Variants in SGMS1 observed in about 807,000 individuals in gnomAD.
SGMS1 encodes the protein sphingomyelin synthase 1, also known as phosphatidylcholine:ceramide cholinephosphotransferase 1.
In SGMS1, 13 loss-of-function variants were observed where a neutral mutation model predicts 46.2. The ratio of observed to expected loss-of-function variants is 0.28; its 90% CI spans 0.18 to 0.45. The LOEUF (loss-of-function observed/expected upper bound fraction) is 0.45. Ranked by LOEUF, SGMS1 falls within the 20% of genes least tolerant of loss-of-function variation. The pLI, the probability that SGMS1 is intolerant of heterozygous loss-of-function variation, is 1.00. For synonymous variants in SGMS1, 203 were observed against 187.8 expected (o/e 1.08, Z -0.66); for missense variants, 324 against 519.9 (o/e 0.62, Z 3.66).
intron 5 of SGMS1, among the ~76,000 whole-genome samples, chr10:50,455,627 T>C (rs1168566402): frequency 6.6e-6 from 1 of 152,204 alleles, no homozygotes; most frequent in Non-Finnish European, 1.5e-5. Flanking sequence ...TAAAATCTTT[T>C]ATTCGGAGTA....
At chr10:50,540,191 G>A (rs957020531) in intron 2 of SGMS1, among the ~76,000 whole-genome samples, 1 of 152,198 alleles carries the variant, frequency 6.6e-6, no homozygotes, top group Non-Finnish European at 1.5e-5. Context: ...AGAAGGTGAT[G>A]ACATTTTCTG....
chr10:50,611,713 C>T (rs1431091401), intron 1 of SGMS1, among the ~76,000 whole-genome samples: 1 of 152,166 alleles, frequency 6.6e-6, no homozygotes, highest in Non-Finnish European at 1.5e-5. Context: ...GCCTTTTCTC[C>T]AGCATCCCAA....
intron 6 of SGMS1, among the ~76,000 whole-genome samples, chr10:50,386,309 C>T (rs1380861884): frequency 1.3e-5 from 2 of 152,172 alleles, no homozygotes; most frequent in African/African-American, 2.4e-5. Context: ...AGTATAGTAA[C>T]ATTTACTGCA....
chr10:50,604,797 C>T (rs1232840660), intron 1 of SGMS1, among the ~76,000 whole-genome samples: 1 of 152,114 alleles, frequency 6.6e-6, no homozygotes, highest in Non-Finnish European at 1.5e-5. Flanking sequence ...TACACATACA[C>T]CCATCAGTAA....
At chr10:50,583,151 G>A (rs1381148345) in intron 2 of SGMS1, among the ~76,000 whole-genome samples, 1 of 152,180 alleles carries the variant, frequency 6.6e-6, no homozygotes, top group African/African-American at 2.4e-5. Flanking sequence ...AAGAGGTTAA[G>A]TAATTGGTCA....
intron 1 of SGMS1, among the ~76,000 whole-genome samples, chr10:50,595,738 C>T (rs1838585499): frequency 6.6e-6 from 1 of 152,174 alleles, no homozygotes; most frequent in Non-Finnish European, 1.5e-5. Context: ...GTCCTGGAAA[C>T]AGTCCCCATG....
Position 50,451,824 on chromosome 10 carries a change from GCA to G in SGMS1, c.-313+8847_-313+8848del, listed in dbSNP as rs778568674. Among the ~76,000 whole-genome samples the G allele has an allele frequency of 1.4e-4, 21 of 152,262 alleles. No individual in the cohort carries two copies. The East Asian group carries it at 3.1e-3, about 22-fold the overall frequency. The stretch of plus-strand genomic sequence containing the variant: ...CAGCTGAACTGCAGATCTGCACACT[GCA>G]CATTTAAGCCATAACATTAAAAATA... On this transcript the variant is annotated intron_variant, in intron 5 of 10. Transcript: ENST00000361781.
At position 50,388,210 on chromosome 10, in the gene SGMS1, A is replaced by T. The variant is rs191017617; in HGVS notation, c.-231-43865T>A. Among the ~76,000 whole-genome samples the T allele has an allele frequency of 3.6e-3, 554 of 152,286 alleles. 3 individuals are homozygous for T. Among genetic ancestry groups the T allele is most frequent in the Middle Eastern group, 6.8e-3 (2 of 294 alleles). On this transcript the variant is annotated intron_variant, in intron 6 of 10. Transcript: ENST00000361781. ...CTCCAGGAAGTAGACCTGGATGGCA[A>T]GGGTGGGAGGTACACTTGACATTAT... is the stretch of plus-strand genomic sequence containing the variant.
intron 2 of SGMS1, among the ~76,000 whole-genome samples, chr10:50,564,661 C>T (rs1213301898): frequency 2.6e-5 from 4 of 152,058 alleles, no homozygotes; most frequent in Non-Finnish European, 5.9e-5. Context: ...TGAGAATTAC[C>T]CACAGTTAAT....
intron 6 of SGMS1, among the ~76,000 whole-genome samples, chr10:50,399,192 T>C (rs982466101): frequency 5.3e-5 from 8 of 152,300 alleles, no homozygotes; most frequent in African/African-American, 1.7e-4. Flanking sequence ...AAGGTGATCA[T>C]TTGGACTTAG....
At chr10:50,614,565 G>A (rs1321374822) in intron 1 of SGMS1, among the ~76,000 whole-genome samples, 1 of 152,210 alleles carries the variant, frequency 6.6e-6, no homozygotes, top group Non-Finnish European at 1.5e-5. Flanking sequence ...ACTGCCCACT[G>A]CCACCTGCCC....
chr10:50,414,793 G>T (rs534946197), intron 6 of SGMS1, among the ~76,000 whole-genome samples: 4 of 152,250 alleles, frequency 2.6e-5, no homozygotes, highest in Non-Finnish European at 5.9e-5. Context: ...TGTACTGTGT[G>T]AAGTTTTTCC....
chr10:50,501,675 C>G (rs994825718), intron 3 of SGMS1, among the ~76,000 whole-genome samples: 2 of 152,106 alleles, frequency 1.3e-5, no homozygotes, highest in Non-Finnish European at 2.9e-5. Flanking sequence ...GTGAGTCATA[C>G]TTTAATTCAA....
At chr10:50,574,434 A>T (rs1838362232) in intron 2 of SGMS1, among the ~76,000 whole-genome samples, 1 of 152,234 alleles carries the variant, frequency 6.6e-6, no homozygotes, top group Non-Finnish European at 1.5e-5. Flanking sequence ...AATCAAAACC[A>T]CAATGAGATA....
chr10:50,607,956 A>T (rs1838712590), intron 1 of SGMS1, among the ~76,000 whole-genome samples: 2 of 152,216 alleles, frequency 1.3e-5, no homozygotes, highest in South Asian at 4.1e-4. Context: ...TCCCTCCTCC[A>T]ACTCAGATCA....
intron 6 of SGMS1, among the ~76,000 whole-genome samples, chr10:50,403,197 A>T (rs1848965118): frequency 6.6e-6 from 1 of 152,220 alleles, no homozygotes; most frequent in Non-Finnish European, 1.5e-5. Flanking sequence ...AGACATGATT[A>T]TTACTCACTG....
At chr10:50,433,871 T>C (rs2133620193) in intron 5 of SGMS1, among the ~76,000 whole-genome samples, 1 of 152,274 alleles carries the variant, frequency 6.6e-6, no homozygotes, top group African/African-American at 2.4e-5. Context: ...GTAACCCACC[T>C]TCTCTCTCCA....
chr10:50,490,288 T>G (rs991640189), intron 3 of SGMS1, among the ~76,000 whole-genome samples: 1 of 152,226 alleles, frequency 6.6e-6, no homozygotes, highest in African/African-American at 2.4e-5. Context: ...TTGATTAGTG[T>G]TGATTAAAAA....
intron 4 of SGMS1, among the ~76,000 whole-genome samples, chr10:50,461,040 A>G (rs1357261316): frequency 6.6e-6 from 1 of 152,134 alleles, no homozygotes; most frequent in Admixed American, 6.5e-5. Context: ...AGTATAATAT[A>G]TACATATAAT....
Sources: gnomAD v4.1 joint callset for allele counts (sites outside exome capture counted in the v4.1 genomes callset) on GRCh38, gnomAD v4.1.1 for gene constraint, MANE v1.5 for transcripts, NCBI Gene and HGNC (gene_info 2026-07-23, HGNC 2026-07-21) for gene names.